The following ADAMTSL3 variants were observed in gnomAD, a reference collection of about 807,000 sequenced individuals.
ADAMTSL3 encodes the protein ADAMTS-like protein 3.
ADAMTSL3 carries 128 observed loss-of-function variants against 201.7 expected under a neutral mutation model. The observed-to-expected ratio is 0.63, with a 90% CI of 0.55 to 0.73. The LOEUF is 0.73. Among genes scored for constraint, ADAMTSL3 ranks in the 30% least tolerant of loss-of-function variants. The pLI, the probability that ADAMTSL3 is intolerant of heterozygous loss-of-function variation, is 0.00. For missense variants in ADAMTSL3, 1,990 were observed against 2,119.6 expected, an observed-to-expected ratio of 0.94 and a Z score of 1.20; for synonymous variants, 738 against 748.4, an observed-to-expected ratio of 0.99 and a Z score of 0.23.
chr15:83,870,383 CAA>C (rs2065059315), intron 8 of ADAMTSL3, among the ~76,000 whole-genome samples: 1 of 152,102 alleles, frequency 6.6e-6, no homozygotes, highest in Admixed American at 6.6e-5. Flanking sequence ...ATTTCAAAAT[CAA>C]AAGTTTTGTT....
At position 83,870,870 on chromosome 15, in the gene ADAMTSL3, G is replaced by T; in HGVS notation, c.871G>T (p.Val291Leu). ...CTTTAACAGCCCCGGCGTCTTTCTC[G>T]TAGAAAACACAACAGTGGAATTTCA... ...HSFNSPGVFL[V>L]ENTTVEFQRG... Residue 291 changes from valine (V) to leucine (L), a missense_variant, in exon 9 of 30, where the codon GTA becomes TTA. Val to Leu is a conservative substitution (Grantham distance 32, BLOSUM62 1). Transcript: ENST00000286744. 1 of 1,613,096 alleles carries T rather than the reference G, an allele frequency of 6.2e-7. No individual in the cohort carries two copies. The highest frequency in any genetic ancestry group is 8.5e-7 in the Non-Finnish European group (1 of 1,179,604).
At chr15:83,931,774 C>T (rs1178046048) in intron 17 of ADAMTSL3, among the ~76,000 whole-genome samples, 1 of 152,148 alleles carries the variant, frequency 6.6e-6, no homozygotes. Context: ...TGGAGCTGCA[C>T]TTGTGGTTAT....
At chr15:83,947,233 G>A (rs777411465) in intron 19 of ADAMTSL3, among the ~76,000 whole-genome samples, 7 of 152,218 alleles carry the variant, frequency 4.6e-5, no homozygotes, top group Non-Finnish European at 1.0e-4. Flanking sequence ...GTCCTTCCAC[G>A]TTGAAACTGG....
chr15:83,710,062 CT>C (rs2061912714), intron 3 of ADAMTSL3, among the ~76,000 whole-genome samples: 1 of 152,130 alleles, frequency 6.6e-6, no homozygotes, highest in African/African-American at 2.4e-5. Context: ...AGGTTAATAC[CT>C]TGGATTCCAA....
intron 7 of ADAMTSL3, among the ~76,000 whole-genome samples, chr15:83,855,854 T>C (rs890578261): frequency 6.6e-6 from 1 of 151,976 alleles, no homozygotes; most frequent in Non-Finnish European, 1.5e-5. Context: ...CTACAAAAAA[T>C]TCAAAAATTA....
chr15:83,732,591 A>G (rs1036935200), intron 3 of ADAMTSL3, among the ~76,000 whole-genome samples: 2 of 152,150 alleles, frequency 1.3e-5, no homozygotes, highest in Admixed American at 6.6e-5. Context: ...ATGAATTTGG[A>G]TTACAAGAAA....
intron 3 of ADAMTSL3, among the ~76,000 whole-genome samples, chr15:83,725,168 C>T (rs2062155155): frequency 1.3e-5 from 2 of 152,186 alleles, no homozygotes; most frequent in Admixed American, 1.3e-4. Context: ...TACATTCCCA[C>T]CAACAGTGTA....
chr15:83,930,954 A>C (rs893075615), intron 17 of ADAMTSL3, among the ~76,000 whole-genome samples: 1 of 152,220 alleles, frequency 6.6e-6, no homozygotes, highest in African/African-American at 2.4e-5. Context: ...TGGGTTGAAC[A>C]GCCAGTGGAT....
chr15:83,842,533 G>A (rs974987346), intron 7 of ADAMTSL3, among the ~76,000 whole-genome samples: 1 of 151,942 alleles, frequency 6.6e-6, no homozygotes, highest in Non-Finnish European at 1.5e-5. Context: ...TGCCCTGAGA[G>A]GGGGATAAGG....
intron 3 of ADAMTSL3, among the ~76,000 whole-genome samples, chr15:83,737,896 C>A (rs767446719): frequency 9.9e-5 from 15 of 152,170 alleles, no homozygotes; most frequent in Non-Finnish European, 1.8e-4. Context: ...AGACTTTCTG[C>A]TAGTAATACT....
At chr15:83,957,543 C>T (rs1451081286) in intron 19 of ADAMTSL3, among the ~76,000 whole-genome samples, 1 of 152,064 alleles carries the variant, frequency 6.6e-6, no homozygotes, top group Non-Finnish European at 1.5e-5. Flanking sequence ...TGGTTTTGAA[C>T]AATATGTAGG....
At chr15:83,923,837 C>CT in intron 16 of ADAMTSL3, 67 bp from the exon 17 acceptor site, 5 of 1,577,112 alleles carry the variant, frequency 3.2e-6, no homozygotes, top group Non-Finnish European at 4.3e-6. Context: ...ACCTAAGACT[C>CT]TATTTTCTTT....
intron 9 of ADAMTSL3, among the ~76,000 whole-genome samples, chr15:83,873,132 T>G (rs1596339693): frequency 7.0e-6 from 1 of 143,610 alleles, no homozygotes; most frequent in Non-Finnish European, 1.5e-5. Flanking sequence ...TGATGAAACC[T>G]CATCTCTACT....
chr15:83,893,510 A>G (rs902800876), intron 13 of ADAMTSL3, among the ~76,000 whole-genome samples: 1 of 152,220 alleles, frequency 6.6e-6, no homozygotes, highest in African/African-American at 2.4e-5. Flanking sequence ...AAATGCTGAC[A>G]CGACATGAAA....
intron 17 of ADAMTSL3, among the ~76,000 whole-genome samples, chr15:83,940,142 A>G (rs2066531121): frequency 6.6e-6 from 1 of 152,130 alleles, no homozygotes. Context: ...TTGACATTTG[A>G]TATTTCTATT....
chr15:83,875,522 C>T (rs1272856660), intron 9 of ADAMTSL3, among the ~76,000 whole-genome samples: 10 of 152,192 alleles, frequency 6.6e-5, no homozygotes, highest in Admixed American at 3.3e-4. Context: ...CGGTGGCTCA[C>T]GCCTGTAATA....
intron 15 of ADAMTSL3, among the ~76,000 whole-genome samples, chr15:83,907,983 G>A (rs544612711): frequency 1.3e-5 from 2 of 152,274 alleles, no homozygotes; most frequent in Admixed American, 1.3e-4. Context: ...CCTTCCTACT[G>A]ACAGTGTTTA....
chr15:83,882,795 T>C (rs1441147366), intron 9 of ADAMTSL3, among the ~76,000 whole-genome samples: 1 of 152,186 alleles, frequency 6.6e-6, no homozygotes, highest in African/African-American at 2.4e-5. Context: ...GTTAATCTGA[T>C]TTTTCACATT....
chr15:84,025,630 G>T, intron 27 of ADAMTSL3, 194 bp downstream of exon 27: 1 of 562,792 alleles, frequency 1.8e-6, no homozygotes, highest in Non-Finnish European at 3.0e-6. Context: ...CAGTACAAAA[G>T]TGAACCAAGT....
Sources: gnomAD v4.1 joint callset for allele counts (sites outside exome capture counted in the v4.1 genomes callset) on GRCh38, gnomAD v4.1.1 for gene constraint, MANE v1.5 for transcripts, NCBI Gene and HGNC (gene_info 2026-07-23, HGNC 2026-07-21) for gene names.